ITFG1: variants seen among roughly 807,000 people sequenced by gnomAD.
The protein encoded by ITFG1 is T-cell immunomodulatory protein.
In ITFG1, 34 loss-of-function variants were observed where a neutral mutation model predicts 81.8. The observed-to-expected ratio is 0.42, with a 90% CI of 0.32 to 0.55. The LOEUF (loss-of-function observed/expected upper bound fraction) is 0.55, where lower values mean the gene tolerates loss of function less well. ITFG1 is among the 20% of genes least tolerant of loss of function. The probability of loss-of-function intolerance (pLI) is 0.17; values close to 1 mark genes in which losing one functional copy is unlikely to be tolerated. For missense variants in ITFG1, 672 were observed against 755.4 expected (o/e 0.89, Z 1.29); for synonymous variants, 285 against 270.6 (o/e 1.05, Z -0.52).
At chr16:47,188,412 A>G (rs2151516555) in intron 14 of ITFG1, among the ~76,000 whole-genome samples, 1 of 151,004 alleles carries the variant, frequency 6.6e-6, no homozygotes, top group South Asian at 2.1e-4. Flanking sequence ...GCACATATAC[A>G]CCATGGAATA....
intron 10 of ITFG1, among the ~76,000 whole-genome samples, chr16:47,277,287 A>C (rs2151548617): frequency 6.6e-6 from 1 of 152,346 alleles, no homozygotes; most frequent in South Asian, 2.1e-4. Context: ...GTAAAAATTA[A>C]ATACAATTGT....
intron 8 of ITFG1, 91 bp from the exon 9 acceptor site, chr16:47,313,914 CA>C: frequency 1.6e-6 from 1 of 628,414 alleles, no homozygotes. Context: ...TCAAAGTCTA[CA>C]TCAATCTGGA....
intron 14 of ITFG1, among the ~76,000 whole-genome samples, chr16:47,185,315 C>A (rs964168395): frequency 2.6e-5 from 4 of 152,188 alleles, no homozygotes; most frequent in African/African-American, 7.2e-5. Flanking sequence ...CCCAAATCAA[C>A]AGAATATACA....
At chr16:47,341,375 T>A (rs1967780314) in intron 8 of ITFG1, among the ~76,000 whole-genome samples, 1 of 133,158 alleles carries the variant, frequency 7.5e-6, no homozygotes, top group South Asian at 2.2e-4. Context: ...GAGTTGGAGA[T>A]GCAGTGAGCT....
At chr16:47,386,587 G>C (rs552407744) in intron 6 of ITFG1, among the ~76,000 whole-genome samples, 1 of 152,308 alleles carries the variant, frequency 6.6e-6, no homozygotes, top group Non-Finnish European at 1.5e-5. Flanking sequence ...AGAATGGCAG[G>C]GGCCTAGCGA....
At chr16:47,449,241 C>T (rs1025487326) in intron 5 of ITFG1, 5 of 152,198 alleles carry the variant, frequency 3.3e-5, no homozygotes, top group African/African-American at 9.7e-5. Context: ...TTGGCATATC[C>T]ATAAAGCATA....
At chr16:47,269,652 C>T (rs1237941781) in intron 10 of ITFG1, among the ~76,000 whole-genome samples, 1 of 152,072 alleles carries the variant, frequency 6.6e-6, no homozygotes, top group Non-Finnish European at 1.5e-5. Context: ...GCTATATATG[C>T]ACTACATTCA....
At chr16:47,161,042 A>T (rs1454764568) in intron 16 of ITFG1, among the ~76,000 whole-genome samples, 3 of 152,214 alleles carry the variant, frequency 2.0e-5, no homozygotes, top group Non-Finnish European at 4.4e-5. Flanking sequence ...TTTGTCTAGC[A>T]TATTTTTCCC....
intron 8 of ITFG1, among the ~76,000 whole-genome samples, chr16:47,363,059 G>A (rs1275089291): frequency 6.6e-6 from 1 of 152,022 alleles, no homozygotes; most frequent in African/African-American, 2.4e-5. Flanking sequence ...ACCACGTCCA[G>A]CTAATTTTTT....
chr16:47,334,422 G>A (rs1002171289), intron 8 of ITFG1, among the ~76,000 whole-genome samples: 1 of 152,070 alleles, frequency 6.6e-6, no homozygotes, highest in African/African-American at 2.4e-5. Context: ...AGTGAGCCCT[G>A]TCTTAAAAAA....
intron 8 of ITFG1, among the ~76,000 whole-genome samples, chr16:47,332,552 CAG>C (rs1188552154): frequency 6.6e-6 from 1 of 152,126 alleles, no homozygotes; most frequent in African/African-American, 2.4e-5. Context: ...AATCAGTCAA[CAG>C]AATATAACAA....
At chr16:47,443,077 A>G (rs1304618327) in intron 5 of ITFG1, among the ~76,000 whole-genome samples, 2 of 152,248 alleles carry the variant, frequency 1.3e-5, no homozygotes, top group Admixed American at 1.3e-4. Context: ...CCCATCAAAA[A>G]GTGGGCAAAG....
intron 12 of ITFG1, among the ~76,000 whole-genome samples, chr16:47,243,344 G>A (rs1203624755): frequency 6.6e-6 from 1 of 152,058 alleles, no homozygotes; most frequent in South Asian, 2.1e-4. Flanking sequence ...ATATACTCTT[G>A]TAGTTTTTAA....
intron 8 of ITFG1, among the ~76,000 whole-genome samples, chr16:47,337,430 C>A (rs1002796369): frequency 6.6e-6 from 1 of 151,972 alleles, no homozygotes. Context: ...CTTAGCTGGG[C>A]GTGGTGGTGG....
chr16:47,157,330 G>C (rs1964727178), intron 17 of ITFG1, among the ~76,000 whole-genome samples: 1 of 152,122 alleles, frequency 6.6e-6, no homozygotes, highest in Admixed American at 6.6e-5. Context: ...TGAGAAAATG[G>C]TAGAAGGAGC....
chr16:47,358,149 T>C (rs1596927155), intron 8 of ITFG1, among the ~76,000 whole-genome samples: 1 of 152,340 alleles, frequency 6.6e-6, no homozygotes, highest in Middle Eastern at 3.4e-3. Flanking sequence ...CCTCACCACT[T>C]TGGGTGCTTT....
chr16:47,174,073 A>G (rs2151510887), intron 14 of ITFG1, among the ~76,000 whole-genome samples: 1 of 152,160 alleles, frequency 6.6e-6, no homozygotes, highest in Admixed American at 6.6e-5. Flanking sequence ...AAAAACAAAC[A>G]AAAAAAGTTT....
At chr16:47,204,363 C>G (rs374257273) in intron 14 of ITFG1, among the ~76,000 whole-genome samples, 5 of 152,168 alleles carry the variant, frequency 3.3e-5, no homozygotes, top group African/African-American at 9.7e-5. Flanking sequence ...CCCTCAGTGA[C>G]TCCAACAGGT....
chr16:47,408,741 T>A (rs896906928), intron 6 of ITFG1, among the ~76,000 whole-genome samples: 1 of 152,226 alleles, frequency 6.6e-6, no homozygotes, highest in African/African-American at 2.4e-5. Flanking sequence ...AGATATTAGA[T>A]TATTCTTTCT....
Sources: gnomAD v4.1 joint callset for allele counts (sites outside exome capture counted in the v4.1 genomes callset) on GRCh38, gnomAD v4.1.1 for gene constraint, MANE v1.5 for transcripts, NCBI Gene and HGNC (gene_info 2026-07-23, HGNC 2026-07-21) for gene names.